Variants in NTM observed in about 807,000 individuals in gnomAD.
The protein encoded by NTM is neurotrimin, also known as IgLON family member 2.
In NTM, 13 loss-of-function variants were observed where a neutral mutation model predicts 42.1. The observed-to-expected ratio is 0.31, with a 90% confidence interval of 0.20 to 0.49. The LOEUF (loss-of-function observed/expected upper bound fraction) is 0.49. NTM is among the 20% of genes least tolerant of loss of function. NTM has a pLI of 0.99. For synonymous variants in NTM, 187 were observed against 179.2 expected (o/e 1.04, Z -0.35); for missense variants, 373 against 452.8 (o/e 0.82, Z 1.60).
intron 1 of NTM, among the ~76,000 whole-genome samples, chr11:131,752,639 C>A (rs1028093812): frequency 1.5e-4 from 23 of 152,232 alleles, no homozygotes; most frequent in Middle Eastern, 3.4e-3. Flanking sequence ...GGAACCAACC[C>A]AAATGTCCAA....
intron 1 of NTM, among the ~76,000 whole-genome samples, chr11:131,482,862 T>C (rs1953756978): frequency 6.6e-6 from 1 of 152,096 alleles, no homozygotes; most frequent in South Asian, 2.1e-4. Flanking sequence ...TAAAATTCAC[T>C]ATGGGTGTGA....
intron 7 of NTM, among the ~76,000 whole-genome samples, chr11:132,323,764 G>C (rs1317565623): frequency 6.6e-6 from 1 of 152,090 alleles, no homozygotes; most frequent in Admixed American, 6.5e-5. Flanking sequence ...GAACATTGAT[G>C]CAAAATCCTC....
At chr11:131,498,117 C>T (rs980180811) in intron 1 of NTM, among the ~76,000 whole-genome samples, 4 of 116,072 alleles carry the variant, frequency 3.4e-5, no homozygotes, top group African/African-American at 1.4e-4. Context: ...AGTAAATTGC[C>T]TTGCTGATAA....
intron 1 of NTM, among the ~76,000 whole-genome samples, chr11:131,761,223 T>C (rs951141385): frequency 2.0e-5 from 3 of 152,282 alleles, no homozygotes; most frequent in African/African-American, 7.2e-5. Flanking sequence ...ACACATCCTA[T>C]TCCTCACAGC....
intron 1 of NTM, among the ~76,000 whole-genome samples, chr11:131,843,913 G>A (rs114196871): frequency 6.6e-6 from 1 of 150,948 alleles, no homozygotes; most frequent in African/African-American, 2.4e-5. Flanking sequence ...TCACATTTTC[G>A]ATATGAATTC....
At chr11:132,237,350 C>G (rs1009086068) in intron 4 of NTM, among the ~76,000 whole-genome samples, 1 of 152,154 alleles carries the variant, frequency 6.6e-6, no homozygotes. Flanking sequence ...GATCTGACCT[C>G]AGGGTTTTTC....
At chr11:131,803,178 A>G (rs2092269313) in intron 1 of NTM, among the ~76,000 whole-genome samples, 1 of 152,136 alleles carries the variant, frequency 6.6e-6, no homozygotes, top group South Asian at 2.1e-4. Flanking sequence ...TGACAAACTT[A>G]ATTGAGAGGG....
chr11:131,422,936 T>A (rs1437123784), intron 1 of NTM, among the ~76,000 whole-genome samples: 1 of 152,372 alleles, frequency 6.6e-6, no homozygotes, highest in Admixed American at 6.5e-5. Context: ...TGAAGTAGTC[T>A]GCAAACAGAA....
Position 131,983,323 on chromosome 11 carries a change from A to G in NTM, c.167+71675A>G, listed in dbSNP as rs186453661. On this transcript the variant is annotated intron_variant, in intron 2 of 8. Transcript: ENST00000683400. ...TGTGTAAATTATTAAAAATAAAAAC[A>G]TAACAAACCTCATTTTTCACCTCTC... Among the ~76,000 whole-genome samples, 52 of 152,100 alleles carry G rather than the reference A, an allele frequency of 3.4e-4. 1 individual carries two copies. In the East Asian group the frequency reaches 8.9e-3, roughly 26 times the overall value.
At chr11:132,043,208 T>A (rs752921129) in intron 2 of NTM, among the ~76,000 whole-genome samples, 4 of 152,216 alleles carry the variant, frequency 2.6e-5, no homozygotes, top group Non-Finnish European at 5.9e-5. Flanking sequence ...TGCTTAGCTT[T>A]GGTTAGTCTT....
At chr11:131,609,719 T>G (rs1325908973) in intron 1 of NTM, among the ~76,000 whole-genome samples, 2 of 152,242 alleles carry the variant, frequency 1.3e-5, no homozygotes, top group Non-Finnish European at 2.9e-5. Flanking sequence ...TGTAAATAAC[T>G]ACTCTCCTTT....
At chr11:132,137,663 C>G (rs2068210257) in intron 2 of NTM, among the ~76,000 whole-genome samples, 1 of 152,304 alleles carries the variant, frequency 6.6e-6, no homozygotes, top group South Asian at 2.1e-4. Context: ...GGGCCACGAA[C>G]AGGAAGGCAC....
intron 3 of NTM, among the ~76,000 whole-genome samples, chr11:132,181,342 G>A (rs1191183076): frequency 6.6e-6 from 1 of 152,170 alleles, no homozygotes; most frequent in Non-Finnish European, 1.5e-5. Context: ...TCAGCATGAA[G>A]ATTATGATTT....
intron 1 of NTM, among the ~76,000 whole-genome samples, chr11:131,731,902 C>T (rs1175499398): frequency 6.6e-6 from 1 of 152,162 alleles, no homozygotes; most frequent in East Asian, 1.9e-4. Context: ...GCTGGGCGGA[C>T]CTCTCCCCCA....
chr11:131,574,231 G>A (rs1457353783), intron 1 of NTM, among the ~76,000 whole-genome samples: 1 of 152,010 alleles, frequency 6.6e-6, no homozygotes, highest in Non-Finnish European at 1.5e-5. Context: ...AACCATTCAG[G>A]GGTGGCTGCA....
chr11:131,745,634 C>T (rs77922416), intron 1 of NTM, among the ~76,000 whole-genome samples: 1 of 152,060 alleles, frequency 6.6e-6, no homozygotes, highest in East Asian at 1.9e-4. Context: ...GAGTTGCTCT[C>T]GTGGCCTTAG....
In NTM at chr11:132,187,279, A is replaced by C. The variant is rs187019012; in HGVS notation, c.401-24743A>C. On this transcript the variant is annotated intron_variant, in intron 3 of 8. Transcript: ENST00000683400. ...CGTGTTTTAAGGATTGAATGCCCTG[A>C]AAAAACAAGATGAGACCTAGAAGTA... 5.4e-4 allele frequency among the ~76,000 whole-genome samples: 82 copies of C among 151,824 alleles called. 1 individual carries two copies. The highest frequency in any genetic ancestry group is 9.6e-4 in the Non-Finnish European group (65 of 67,936).
chr11:131,660,897 T>C, intron 1 of NTM: 1 of 1,287,312 alleles, frequency 7.8e-7, no homozygotes, highest in South Asian at 1.3e-5. Flanking sequence ...TGTAATGTGA[T>C]GCATGGCTTT....
At chr11:131,734,640 G>T (rs2080179501) in intron 1 of NTM, among the ~76,000 whole-genome samples, 1 of 152,048 alleles carries the variant, frequency 6.6e-6, no homozygotes, top group Non-Finnish European at 1.5e-5. Flanking sequence ...CTCTTCCTTT[G>T]GGGTAGCTAC....
Sources: gnomAD v4.1 joint callset for allele counts (sites outside exome capture counted in the v4.1 genomes callset) on GRCh38, gnomAD v4.1.1 for gene constraint, MANE v1.5 for transcripts, NCBI Gene and HGNC (gene_info 2026-07-23, HGNC 2026-07-21) for gene names.